CFAP54: variants seen among roughly 807,000 people sequenced by gnomAD.
CFAP54 encodes the protein cilia- and flagella-associated protein 54.
A neutral mutation model predicts 370.4 loss-of-function variants in CFAP54; 290 were observed. The observed-to-expected ratio is 0.78, with a 90% confidence interval of 0.71 to 0.86. CFAP54 has a LOEUF of 0.86. Ranked by LOEUF, CFAP54 falls within the 40% of genes least tolerant of loss-of-function variation. The probability of loss-of-function intolerance (pLI) is 0.00; values close to 1 mark genes in which losing one functional copy is unlikely to be tolerated. For missense variants in CFAP54, 3,399 were observed against 3,528.7 expected (o/e 0.96, Z 0.93); for synonymous variants, 1,206 against 1,236.5 (o/e 0.98, Z 0.52).
chr12:96,743,319 T>C (rs1179618960), intron 52 of CFAP54, 83 bp from the exon 53 acceptor site: 1 of 1,346,746 alleles, frequency 7.4e-7, no homozygotes, highest in Non-Finnish European at 1.0e-6. Flanking sequence ...ACAATATTTC[T>C]GTGATGAAAA....
At position 96,729,117 on chromosome 12, in the gene CFAP54, G is replaced by A. The variant is rs1439135289; in HGVS notation, c.6965+8552G>A. Reference sequence around the variant, plus strand: ...GGGGTGCCTGCCAGTTAGGCTGCTCGGGGGTCAGGGGTCGGGGACCCACTT... The same window carrying A: ...GGGGTGCCTGCCAGTTAGGCTGCTCAGGGGTCAGGGGTCGGGGACCCACTT... On this transcript the variant is annotated intron_variant, in intron 50 of 67. Coordinates refer to ENST00000524981, the MANE Select transcript of CFAP54 (RefSeq NM_001306084.2). 2.7e-5 allele frequency among the ~76,000 whole-genome samples: 4 copies of A among 147,892 alleles called. No individual in the cohort carries two copies. The East Asian group carries it at 7.7e-4, about 29-fold the overall frequency.
chr12:96,536,033 C>T (rs953704509), intron 12 of CFAP54, among the ~76,000 whole-genome samples: 1 of 152,190 alleles, frequency 6.6e-6, no homozygotes, highest in Non-Finnish European at 1.5e-5. Flanking sequence ...AAACAAATTT[C>T]AGGGATCCTC....
At position 96,583,949 on chromosome 12, in the gene CFAP54, G is replaced by A. The variant is rs548437290; in HGVS notation, c.3075+2844G>A. ...TCAATTTTCTTTTTATTCTCTCCCT[G>A]TGTTGGTGTTAATCAGCAGGTCTTC... On this transcript the variant is annotated intron_variant, in intron 22 of 67. Coordinates refer to ENST00000524981, the MANE Select transcript of CFAP54 (RefSeq NM_001306084.2). Among the ~76,000 whole-genome samples, 3 of 152,122 alleles carry A rather than the reference G, an allele frequency of 2.0e-5. No homozygotes were observed. In the East Asian group the frequency reaches 5.8e-4, roughly 29 times the overall value.
intron 19 of CFAP54, 90 bp downstream of exon 19, chr12:96,564,855 C>A: frequency 2.0e-6 from 1 of 489,774 alleles, no homozygotes; most frequent in East Asian, 3.3e-5. Context: ...TAATGTGTTG[C>A]CCTTAACATT....
At chr12:96,635,369 G>A (rs1956652999) in intron 32 of CFAP54, among the ~76,000 whole-genome samples, 1 of 151,822 alleles carries the variant, frequency 6.6e-6, no homozygotes, top group Non-Finnish European at 1.5e-5. Context: ...ATATGATCGT[G>A]CGATAAACTA....
At chr12:96,598,791 G>A (rs1191965235) in intron 26 of CFAP54, 24 bp downstream of exon 26, 1 of 554,592 alleles carries the variant, frequency 1.8e-6, no homozygotes, top group South Asian at 2.6e-5. Context: ...TCTTTATCTA[G>A]TATTATAATA....
At chr12:96,854,262 TA>T (rs1959637354) in intron 66 of CFAP54, among the ~76,000 whole-genome samples, 1 of 152,134 alleles carries the variant, frequency 6.6e-6, no homozygotes, top group African/African-American at 2.4e-5. Context: ...AACATATTAA[TA>T]AACCGGTTAA....
chr12:96,503,744 T>C, intron 2 of CFAP54, 142 bp from the exon 3 acceptor site: 1 of 669,382 alleles, frequency 1.5e-6, no homozygotes, highest in Non-Finnish European at 2.4e-6. Flanking sequence ...TCACATACTA[T>C]GTTTTTGGAA....
At chr12:96,503,813 A>C in intron 2 of CFAP54, 73 bp from the exon 3 acceptor site, 1 of 1,230,302 alleles carries the variant, frequency 8.1e-7, no homozygotes, top group South Asian at 1.7e-5. Flanking sequence ...ATTAGGAATA[A>C]TATGAATATT....
intron 59 of CFAP54, among the ~76,000 whole-genome samples, chr12:96,764,718 A>G (rs889672815): frequency 3.3e-5 from 5 of 152,312 alleles, no homozygotes; most frequent in Non-Finnish European, 5.9e-5. Flanking sequence ...AGTGTTTTCA[A>G]TCTCTCTATT....
At chr12:96,583,383 C>T (rs184857127) in intron 22 of CFAP54, among the ~76,000 whole-genome samples, 67 of 152,066 alleles carry the variant, frequency 4.4e-4, no homozygotes, top group African/African-American at 1.6e-3. Context: ...TGATTTTAGG[C>T]AAATTGGTCT....
At chr12:96,540,409 A>T (rs973476110) in intron 13 of CFAP54, among the ~76,000 whole-genome samples, 6 of 152,116 alleles carry the variant, frequency 3.9e-5, no homozygotes, top group Admixed American at 3.9e-4. Context: ...CATGAAAGAC[A>T]ATCTAAGTCA....
intron 65 of CFAP54, among the ~76,000 whole-genome samples, chr12:96,826,797 T>G (rs1402376557): frequency 8.9e-6 from 1 of 112,718 alleles, no homozygotes; most frequent in African/African-American, 3.7e-5. Context: ...AAATAATATA[T>G]AATTATATAT....
In CFAP54 at chr12:96,631,035, C is replaced by T. The variant is rs554398113; in HGVS notation, c.4316+384C>T. On this transcript the variant is annotated intron_variant, in intron 32 of 67. Coordinates refer to ENST00000524981, the MANE Select transcript of CFAP54 (RefSeq NM_001306084.2). ...TTTTTAAGTACACATTATAAGTACA[C>T]ATGTGTAAGAATTTTTTATTCTTAT... 2.0e-5 allele frequency among the ~76,000 whole-genome samples: 3 copies of T among 151,940 alleles called. No homozygotes were observed. The South Asian group carries it at 6.2e-4, about 32-fold the overall frequency.
rs1450454653 is a variant in CFAP54 at position 96,554,765 on chromosome 12, G to T, written c.2373G>T (p.Gln791His). Residue 791 changes from glutamine to histidine, a missense_variant, in exon 17 of 68, where the codon CAG (glutamine) becomes CAT (histidine). By Grantham distance (24) the Gln-to-His change is conservative. Around this residue, in one of 3 missense-constraint regions of CFAP54, gnomAD observed 2,796 missense variants for 2,869.7 expected, o/e 0.97. Transcript: ENST00000524981. ...MDLHLELIQA[Q>H]HRIAVVLLDK... is the part of the protein sequence containing the mutation. The stretch of plus-strand genomic sequence containing the variant: ...TGCATCTTGAACTAATTCAAGCTCA[G>T]CATCGAATAGCTGTTGTGCTTCTGG... 1 of 1,534,656 alleles carries T rather than the reference G, an allele frequency of 6.5e-7. No homozygotes were observed. Among genetic ancestry groups the T allele is most frequent in the African/African-American group, 1.4e-5 (1 of 73,006 alleles).
At chr12:96,637,188 C>T (rs769946011) in intron 32 of CFAP54, among the ~76,000 whole-genome samples, 12 of 152,112 alleles carry the variant, frequency 7.9e-5, no homozygotes, top group Admixed American at 1.3e-4. Flanking sequence ...CACTTAGCAT[C>T]GTGTTTTCCA....
intron 38 of CFAP54, among the ~76,000 whole-genome samples, chr12:96,661,226 C>T (rs1956991518): frequency 1.3e-5 from 2 of 152,066 alleles, no homozygotes; most frequent in East Asian, 1.9e-4. Flanking sequence ...GGTGAGCAGC[C>T]CCTATCCTGA....
intron 5 of CFAP54, among the ~76,000 whole-genome samples, chr12:96,516,654 A>G (rs1038738317): frequency 2.0e-5 from 3 of 152,168 alleles, no homozygotes; most frequent in Admixed American, 6.5e-5. Context: ...GGCATTTAAA[A>G]CTGTAGTATA....
At chr12:96,792,210 A>G in intron 62 of CFAP54, 119 bp from the exon 63 acceptor site, 1 of 826,216 alleles carries the variant, frequency 1.2e-6, no homozygotes. Context: ...TTTAAGATTT[A>G]CCTCCATAAA....
Sources: allele counts gnomAD v4.1 joint callset (sites outside exome capture counted in the v4.1 genomes callset), GRCh38; gene constraint gnomAD v4.1.1; regional missense constraint gnomAD v4.1.1; transcripts MANE v1.5; gene names NCBI Gene and HGNC (gene_info 2026-07-23, HGNC 2026-07-21).